Variants in MSI2 observed in about 807,000 individuals in gnomAD.
The protein encoded by MSI2 is musashi RNA binding protein 2, also known as RNA-binding protein Musashi homolog 2.
In MSI2, 17 loss-of-function variants were observed where a neutral mutation model predicts 45.6. The observed-to-expected ratio is 0.37, with a 90% CI of 0.26 to 0.56. MSI2 has a LOEUF of 0.56. Among genes scored for constraint, MSI2 ranks in the 20% least tolerant of loss-of-function variants. The pLI is 0.77. For missense variants in MSI2, 293 were observed against 444.2 expected, an observed-to-expected ratio of 0.66 and a Z score of 3.06; for synonymous variants, 156 against 158.2, an observed-to-expected ratio of 0.99 and a Z score of 0.11.
chr17:57,691,200 CATCTATCTATCTATCTATCTATCT>C, the MSI2 span, among the ~76,000 whole-genome samples: 2 of 140,312 alleles, frequency 1.4e-5, no homozygotes, highest in Non-Finnish European at 3.1e-5. Flanking sequence ...CTCTCTCTCT[CATCTATCTATCTATCTATCTATCT>C]ATCTATCTAT....
intron 6 of MSI2, among the ~76,000 whole-genome samples, chr17:57,465,496 G>A (rs1348715702): frequency 6.6e-6 from 1 of 152,168 alleles, no homozygotes; most frequent in Non-Finnish European, 1.5e-5. Flanking sequence ...CATGAAATAA[G>A]TTGCCCTTGG....
intron 7 of MSI2, among the ~76,000 whole-genome samples, chr17:57,589,638 C>G (rs964969774): frequency 6.6e-6 from 1 of 152,214 alleles, no homozygotes; most frequent in African/African-American, 2.4e-5. Flanking sequence ...TGCCTCCTTG[C>G]CAGGCCGGTC....
At chr17:57,608,091 G>A (rs573879333) in intron 8 of MSI2, among the ~76,000 whole-genome samples, 2 of 152,320 alleles carry the variant, frequency 1.3e-5, no homozygotes, top group African/African-American at 4.8e-5. Flanking sequence ...TTGTACCAGT[G>A]AGGGAAAAGG....
chr17:57,384,950 C>A (rs2083659082), intron 5 of MSI2, among the ~76,000 whole-genome samples: 1 of 152,200 alleles, frequency 6.6e-6, no homozygotes, highest in Non-Finnish European at 1.5e-5. Context: ...ATCAGCCACC[C>A]AGTAAACTCA....
chr17:57,656,910 T>C (rs1911637026), intron 11 of MSI2, among the ~76,000 whole-genome samples: 2 of 152,214 alleles, frequency 1.3e-5, no homozygotes, highest in Non-Finnish European at 2.9e-5. Context: ...CAGAGGTCTC[T>C]CAGAGCTTCT....
intron 6 of MSI2, among the ~76,000 whole-genome samples, chr17:57,438,059 G>C (rs1288817068): frequency 5.3e-5 from 8 of 152,202 alleles, no homozygotes; most frequent in Admixed American, 2.6e-4. Flanking sequence ...TGGTTATGGA[G>C]GGCCCCTTCT....
intron 5 of MSI2, among the ~76,000 whole-genome samples, chr17:57,398,176 T>C (rs1380023378): frequency 6.6e-6 from 1 of 152,204 alleles, no homozygotes; most frequent in Non-Finnish European, 1.5e-5. Context: ...TGTTGACTTC[T>C]GTTATTTGGA....
intron 11 of MSI2, among the ~76,000 whole-genome samples, chr17:57,673,311 G>A (rs1471794936): frequency 1.3e-5 from 2 of 152,222 alleles, no homozygotes; most frequent in Admixed American, 6.5e-5. Flanking sequence ...CTGGGAAAGG[G>A]AGGGGCCAAA....
At chr17:57,518,358 G>A (rs766275235) in intron 6 of MSI2, among the ~76,000 whole-genome samples, 6 of 151,830 alleles carry the variant, frequency 4.0e-5, no homozygotes, top group South Asian at 2.1e-4. Flanking sequence ...CTGCAGCTAC[G>A]CTTGTCACCA....
intron 6 of MSI2, among the ~76,000 whole-genome samples, chr17:57,494,851 AAC>A (rs534112980): frequency 4.6e-5 from 7 of 152,156 alleles, no homozygotes; most frequent in Non-Finnish European, 8.8e-5. Context: ...CAGTGAACAG[AAC>A]AGAAACGAAT....
At chr17:57,408,581 C>G (rs941572743) in intron 6 of MSI2, among the ~76,000 whole-genome samples, 1 of 152,174 alleles carries the variant, frequency 6.6e-6, no homozygotes, top group East Asian at 1.9e-4. Flanking sequence ...AGTTAATGAG[C>G]CCTGGGTGGG....
At chr17:57,686,672 T>C (rs1471885997), downstream of MSI2, among the ~76,000 whole-genome samples, 1 of 152,138 alleles carries the variant, frequency 6.6e-6, no homozygotes, top group Non-Finnish European at 1.5e-5. Flanking sequence ...TATTATGTCA[T>C]GACAAAAGAC....
chr17:57,514,220 T>TC (rs397826365), intron 6 of MSI2, among the ~76,000 whole-genome samples: 2 of 152,038 alleles, frequency 1.3e-5, no homozygotes, highest in Non-Finnish European at 2.9e-5. Flanking sequence ...GATTTTTTTT[T>TC]CTGCTTCAGA....
At chr17:57,635,591 C>T (rs1236574765) in intron 10 of MSI2, among the ~76,000 whole-genome samples, 1 of 152,280 alleles carries the variant, frequency 6.6e-6, no homozygotes, top group Admixed American at 6.5e-5. Context: ...GCCAAGCTAA[C>T]GTGTCATGGC....
At chr17:57,285,309 C>T (rs897352990) in intron 5 of MSI2, among the ~76,000 whole-genome samples, 7 of 152,110 alleles carry the variant, frequency 4.6e-5, no homozygotes, top group African/African-American at 9.7e-5. Flanking sequence ...TTTCTTTTGC[C>T]GACTTCTTCC....
chr17:57,354,753 AG>A (rs1317042045), intron 5 of MSI2, among the ~76,000 whole-genome samples: 1 of 152,114 alleles, frequency 6.6e-6, no homozygotes, highest in Non-Finnish European at 1.5e-5. Flanking sequence ...GGAGCCTGGG[AG>A]CTTGTATTAA....
chr17:57,320,968 C>A (rs896936215), intron 5 of MSI2, among the ~76,000 whole-genome samples: 4 of 152,024 alleles, frequency 2.6e-5, no homozygotes, highest in African/African-American at 4.8e-5. Flanking sequence ...GCCCCTTTAT[C>A]CCTCCTTGTT....
chr17:57,298,040 A>ATTT (rs368609264), intron 5 of MSI2, among the ~76,000 whole-genome samples: 3 of 143,926 alleles, frequency 2.1e-5, no homozygotes, highest in East Asian at 4.1e-4. Context: ...GTTAATGCTG[A>ATTT]TTTTTTTTTT....
chr17:57,636,810 C>G (rs1234147632), intron 10 of MSI2, among the ~76,000 whole-genome samples: 1 of 152,216 alleles, frequency 6.6e-6, no homozygotes, highest in Non-Finnish European at 1.5e-5. Flanking sequence ...TGGTTGGCTT[C>G]CAGAATGGAG....
Sources: allele counts gnomAD v4.1 joint callset (sites outside exome capture counted in the v4.1 genomes callset), GRCh38; gene constraint gnomAD v4.1.1; transcripts MANE v1.5; gene names NCBI Gene and HGNC (gene_info 2026-07-23, HGNC 2026-07-21).